Variants in NTRK2 observed in about 807,000 individuals in gnomAD.
NTRK2 encodes the protein BDNF/NT-3 growth factors receptor.
A neutral mutation model predicts 94.5 loss-of-function variants in NTRK2; 13 were observed. That is an observed-to-expected ratio of 0.14 (90% CI 0.09 to 0.22). The LOEUF (loss-of-function observed/expected upper bound fraction) is 0.22. Ranked by LOEUF, NTRK2 falls within the 10% of genes least tolerant of loss-of-function variation. NTRK2 has a pLI of 1.00. For missense variants in NTRK2, 639 were observed against 1,071.2 expected (o/e 0.60, Z 5.63); for synonymous variants, 372 against 407.4 (o/e 0.91, Z 1.05).
Position 84,743,326 on chromosome 9 carries a change from C to T in NTRK2, c.1195+1399C>T, listed in dbSNP as rs188748704. On this transcript the variant is annotated intron_variant, in intron 10 of 18. Transcript: ENST00000277120. ...ATATTTTCTGTAAAATATTCTGTTC[C>T]TTAATTTTATATTTATATATATTGA... 5.2e-3 allele frequency among the ~76,000 whole-genome samples: 797 copies of T among 151,920 alleles called. 7 individuals carry two copies. Among genetic ancestry groups the T allele is most frequent in the Non-Finnish European group, 8.1e-3 (550 of 67,926 alleles).
intron 14 of NTRK2, among the ~76,000 whole-genome samples, chr9:84,924,237 AAG>A (rs1204552950): frequency 1.2e-5 from 1 of 81,440 alleles, no homozygotes; most frequent in Non-Finnish European, 2.6e-5. Flanking sequence ...AGTAGAAAGA[AAG>A]AAAGAAAGAA....
chr9:84,783,465 A>G (rs972347218), intron 12 of NTRK2, among the ~76,000 whole-genome samples: 22 of 152,148 alleles, frequency 1.4e-4, no homozygotes, highest in Admixed American at 1.2e-3. Flanking sequence ...ACTTAATTTT[A>G]TTCACTTTCA....
At chr9:84,926,169 C>CTTGCTTTCTTTCTTTCTTTCTTT (rs2077789303) in intron 14 of NTRK2, among the ~76,000 whole-genome samples, 1 of 38,514 alleles carries the variant, frequency 2.6e-5, no homozygotes, top group African/African-American at 9.2e-5. Context: ...TTCCTTCCTT[C>CTTGCTTTCTTTCTTTCTTTCTTT]CTTTCTTTCT....
At chr9:84,903,170 C>A (rs1379425889) in intron 14 of NTRK2, among the ~76,000 whole-genome samples, 1 of 152,102 alleles carries the variant, frequency 6.6e-6, no homozygotes, top group Non-Finnish European at 1.5e-5. Flanking sequence ...TGAAATAATA[C>A]AGTGCAGATG....
At chr9:84,929,653 C>T (rs1053005145) in intron 14 of NTRK2, among the ~76,000 whole-genome samples, 1 of 151,940 alleles carries the variant, frequency 6.6e-6, no homozygotes, top group African/African-American at 2.4e-5. Context: ...CCTCTGCCTC[C>T]CGGATTCAAA....
In NTRK2 at chr9:84,911,999, A is replaced by G. The variant is rs191027040; in HGVS notation, c.1634-22163A>G. ...TTTCTTATTTCCCTTGAGATTTCCTATTTGACCCAAGGATTATTTAAAAAT... is the reference window on the plus strand; with the variant it reads ...TTTCTTATTTCCCTTGAGATTTCCTGTTTGACCCAAGGATTATTTAAAAAT... On this transcript the variant is annotated intron_variant, in intron 14 of 18. Transcript: ENST00000277120. Among the ~76,000 whole-genome samples the G allele has an allele frequency of 1.4e-4, 21 of 152,138 alleles. 1 individual carries two copies. The highest frequency in any genetic ancestry group is 4.8e-4 in the African/African-American group (20 of 41,502).
chr9:84,958,370 C>G (rs1824437904), intron 17 of NTRK2, among the ~76,000 whole-genome samples: 1 of 152,180 alleles, frequency 6.6e-6, no homozygotes, highest in African/African-American at 2.4e-5. Flanking sequence ...TGTAAAAACA[C>G]TGGACTTTGC....
intron 4 of NTRK2, among the ~76,000 whole-genome samples, chr9:84,702,914 A>T (rs1023438413): frequency 3.9e-5 from 6 of 152,254 alleles, no homozygotes; most frequent in Non-Finnish European, 5.9e-5. Flanking sequence ...AGAAAAATCA[A>T]TCATGGGACA....
intron 17 of NTRK2, among the ~76,000 whole-genome samples, chr9:84,960,728 A>G (rs556530391): frequency 2.6e-5 from 4 of 152,342 alleles, no homozygotes; most frequent in Admixed American, 1.3e-4. Flanking sequence ...TGATTTTTCT[A>G]TACTCCATAC....
intron 2 of NTRK2, among the ~76,000 whole-genome samples, chr9:84,676,680 G>T (rs2059076343): frequency 6.6e-6 from 1 of 152,172 alleles, no homozygotes; most frequent in African/African-American, 2.4e-5. Context: ...TTGCTTTAGG[G>T]TGCCTCCCCT....
intron 12 of NTRK2, among the ~76,000 whole-genome samples, chr9:84,825,730 C>A (rs1282037899): frequency 6.6e-6 from 1 of 152,212 alleles, no homozygotes; most frequent in Non-Finnish European, 1.5e-5. Context: ...GTGGCACCTT[C>A]TTTCCTATAC....
intron 12 of NTRK2, chr9:84,812,009 A>C (rs2071858474): frequency 9.4e-7 from 1 of 1,059,646 alleles, no homozygotes; most frequent in African/African-American, 1.6e-5. Flanking sequence ...ACAGTTAGAC[A>C]TGCACACAGA....
At chr9:84,961,922 A>G (rs1484388535) in intron 17 of NTRK2, among the ~76,000 whole-genome samples, 2 of 152,230 alleles carry the variant, frequency 1.3e-5, no homozygotes, top group African/African-American at 4.8e-5. Context: ...ATAGAGAGGA[A>G]GACAGAAAGT....
rs1459050196 is a variant in NTRK2 at position 84,870,280 on chromosome 9, GTGTACATATACATATACA to G, written c.1633+2866_1633+2883del. On this transcript the variant is annotated intron_variant, in intron 14 of 18. Coordinates refer to ENST00000277120, the MANE Select transcript of NTRK2 (RefSeq NM_006180.6). ...TACCTATATGCACACATATAGGTAT[GTGTACATATACATATACA>G]TGTACATATACATATATGTGGGGTG... Among the ~76,000 whole-genome samples the G allele has an allele frequency of 2.6e-3, 341 of 129,794 alleles. 10 individuals are homozygous for G. The highest frequency in any genetic ancestry group is 9.0e-3 in the African/African-American group (319 of 35,468). 85.1% of individuals were successfully genotyped at this position (129,794 alleles called of 152,430 possible).
At chr9:85,009,684 C>A (rs149661257) in intron 17 of NTRK2, among the ~76,000 whole-genome samples, 17 of 152,170 alleles carry the variant, frequency 1.1e-4, no homozygotes, top group African/African-American at 3.9e-4. Context: ...TTAACTCTTA[C>A]AATCATCATA....
At chr9:85,016,379 A>G (rs1419517568) in intron 17 of NTRK2, among the ~76,000 whole-genome samples, 2 of 152,222 alleles carry the variant, frequency 1.3e-5, no homozygotes, top group African/African-American at 4.8e-5. Context: ...TGGTGAGTTT[A>G]GTGAAGACCA....
intron 11 of NTRK2, among the ~76,000 whole-genome samples, chr9:84,747,788 G>C (rs1013354001): frequency 6.6e-6 from 1 of 151,966 alleles, no homozygotes; most frequent in Non-Finnish European, 1.5e-5. Flanking sequence ...GCCTTCTGGG[G>C]TTTTTAAAAT....
chr9:84,888,826 T>G (rs866396235), intron 14 of NTRK2, among the ~76,000 whole-genome samples: 23 of 151,638 alleles, frequency 1.5e-4, no homozygotes, highest in Non-Finnish European at 2.8e-4. Context: ...CCCAGAGACC[T>G]GCTTCAACCC....
chr9:84,733,682 T>A (rs1417882636), intron 9 of NTRK2, among the ~76,000 whole-genome samples: 1 of 152,180 alleles, frequency 6.6e-6, no homozygotes, highest in Admixed American at 6.5e-5. Flanking sequence ...AGGTTGCCTT[T>A]ATTCTGGTTG....
Sources: gnomAD v4.1 joint callset for allele counts (sites outside exome capture counted in the v4.1 genomes callset) on GRCh38, gnomAD v4.1.1 for gene constraint, MANE v1.5 for transcripts, NCBI Gene and HGNC (gene_info 2026-07-23, HGNC 2026-07-21) for gene names.